Variants in UCK2 observed in about 807,000 individuals in gnomAD.
UCK2 encodes cytidine monophosphokinase 2.
A neutral mutation model predicts 30.8 loss-of-function variants in UCK2; 6 were observed. That is an observed-to-expected ratio of 0.19 (90% CI 0.11 to 0.38). The LOEUF is 0.38. Ranked by LOEUF, UCK2 falls within the 10% of genes least tolerant of loss-of-function variation. UCK2 has a pLI of 1.00. For synonymous variants in UCK2, 125 were observed against 133.6 expected (o/e 0.94, Z 0.45); for missense variants, 210 against 339.8 (o/e 0.62, Z 3.00).
At chr1:165,835,343 T>C (rs868572243) in intron 1 of UCK2, among the ~76,000 whole-genome samples, 1 of 146,206 alleles carries the variant, frequency 6.8e-6, no homozygotes, top group Non-Finnish European at 1.5e-5. Flanking sequence ...TGTAAAAATA[T>C]GTATTTTTAA....
At chr1:165,854,536 G>A (rs1008465446) in intron 1 of UCK2, among the ~76,000 whole-genome samples, 3 of 151,808 alleles carry the variant, frequency 2.0e-5, no homozygotes, top group Non-Finnish European at 2.9e-5. Context: ...TCCCACTTCC[G>A]CAGCCCCCAG....
rs10571444 is a variant in UCK2, at chr1:165,854,598, AAAATAAATAAATAAATAAATAAAT to A, written c.99+26690_99+26713del. ...ATTGCTAACTAGGCTTCCTTTTTTA[AAAATAAATAAATAAATAAATAAAT>A]AAATAAATAAATAAATAAATAAAGT... On this transcript the variant is annotated intron_variant, in intron 1 of 6. Coordinates refer to ENST00000367879, the MANE Select transcript of UCK2 (RefSeq NM_012474.5). Among the ~76,000 whole-genome samples, 69 of 143,688 alleles carry A rather than the reference AAAATAAATAAATAAATAAATAAAT, an allele frequency of 4.8e-4. 1 individual carries two copies. The South Asian group carries it at 8.5e-3, about 18-fold the overall frequency. 94.3% of individuals were successfully genotyped at this position (143,688 alleles called of 152,430 possible). A position where few individuals can be genotyped will look rare whatever the true frequency, so the allele number is the denominator to read the frequency against.
At chr1:165,846,116 A>C (rs1654441876) in intron 1 of UCK2, among the ~76,000 whole-genome samples, 1 of 152,078 alleles carries the variant, frequency 6.6e-6, no homozygotes, top group African/African-American at 2.4e-5. Context: ...ACACAGTGAG[A>C]TCTTGTCTCT....
Position 165,907,909 on chromosome 1 carries a change from A to G in UCK2, c.*86A>G, listed in dbSNP as rs186355028. 273 of 1,491,676 alleles carry G rather than the reference A, an allele frequency of 1.8e-4. 1 individual carries two copies. In the African/African-American group the frequency reaches 3.2e-3, roughly 18 times the overall value. The allele number at this position is 1,491,676 out of a possible 1,614,324, so 92.4% of individuals were successfully genotyped here. A position where few individuals can be genotyped will look rare whatever the true frequency, so the allele number is the denominator to read the frequency against. ...TGCTCATCTGTACATACTGTTTCCT[A>G]TGACATTACTGTATTTAAGAAAACA... On this transcript the variant is annotated 3_prime_UTR_variant, in exon 7 of 7. Coordinates refer to ENST00000367879, the MANE Select transcript of UCK2 (RefSeq NM_012474.5).
At chr1:165,884,177 G>A (rs1655564414) in intron 1 of UCK2, among the ~76,000 whole-genome samples, 1 of 152,170 alleles carries the variant, frequency 6.6e-6, no homozygotes, top group African/African-American at 2.4e-5. Context: ...GAGCTAGATG[G>A]GATCTTCCTG....
rs1453340648 is a variant in UCK2, at chr1:165,908,889, T to C, written c.*1066T>C. The C allele has an allele frequency of 6.6e-6, 1 of 152,358 alleles. No individual in the cohort carries two copies. The highest frequency in any genetic ancestry group is 1.5e-5 in the Non-Finnish European group (1 of 68,134). 9.4% of individuals were successfully genotyped at this position (152,358 alleles called of 1,614,324 possible). ...CATGGAGTGGCAGGGGAGCTCTGTC[T>C]GTGGAGGGGTAGTAGTTTCCGCTTC... On this transcript the variant is annotated 3_prime_UTR_variant, in exon 7 of 7. Coordinates refer to ENST00000367879, the MANE Select transcript of UCK2 (RefSeq NM_012474.5).
chr1:165,904,671 G>A (rs1443864680), intron 5 of UCK2, among the ~76,000 whole-genome samples: 1 of 152,186 alleles, frequency 6.6e-6, no homozygotes, highest in Non-Finnish European at 1.5e-5. Context: ...TGTAAGCCAG[G>A]AACTTGGACC....
chr1:165,891,430 AC>A (rs2101881971), intron 3 of UCK2, 108 bp downstream of exon 3: 1 of 961,588 alleles, frequency 1.0e-6, no homozygotes, highest in African/African-American at 1.6e-5. Context: ...CCTCTGTCCT[AC>A]CCCTGCCTAA....
At chr1:165,891,530 TG>T in intron 3 of UCK2, 1 of 552,080 alleles carries the variant, frequency 1.8e-6, no homozygotes, top group South Asian at 2.1e-5. Context: ...GAGCGCTCCC[TG>T]GAACAGTCCT....
At position 165,880,564 on chromosome 1, in the gene UCK2, GGGGTGTGTGT is replaced by G. The variant is rs1259955441; in HGVS notation, c.100-9638_100-9629del. On this transcript the variant is annotated intron_variant, in intron 1 of 6. Transcript: ENST00000367879. ...GCCTAGATCCATTCAGTTTTTTTTG[GGGGTGTGTGT>G]GTGTGTGTGTGTGTGTGTGTGTGTG... 1.5e-3 allele frequency among the ~76,000 whole-genome samples: 148 copies of G among 100,050 alleles called. 1 individual carries two copies. Among genetic ancestry groups the G allele is most frequent in the South Asian group, 0.01 (37 of 3,590 alleles). The allele number at this position is 100,050 out of a possible 152,430, so 65.6% of individuals were successfully genotyped here. A position where few individuals can be genotyped will look rare whatever the true frequency, so the allele number is the denominator to read the frequency against.
chr1:165,859,933 G>C (rs970470175), intron 1 of UCK2, among the ~76,000 whole-genome samples: 3 of 152,172 alleles, frequency 2.0e-5, no homozygotes, highest in African/African-American at 4.8e-5. Flanking sequence ...CATCACAGCA[G>C]GCCTCCCGTT....
chr1:165,835,266 C>A, intron 1 of UCK2, among the ~76,000 whole-genome samples: 1 of 147,050 alleles, frequency 6.8e-6, no homozygotes, highest in East Asian at 1.9e-4. Flanking sequence ...GTATTCATAA[C>A]CGCTAAGAGA....
At chr1:165,885,008 G>A (rs548403406) in intron 1 of UCK2, 30 of 192,754 alleles carry the variant, frequency 1.6e-4, no homozygotes, top group African/African-American at 6.7e-4. Context: ...CTTTTAATAG[G>A]CACATCACTT....
chr1:165,906,130 C>T (rs1224505350), intron 6 of UCK2, among the ~76,000 whole-genome samples, 161 bp downstream of exon 6: 1 of 152,196 alleles, frequency 6.6e-6, no homozygotes, highest in Non-Finnish European at 1.5e-5. Context: ...CGTCTGGCCT[C>T]AGGAACAGGT....
chr1:165,838,421 A>G (rs1654247816), intron 1 of UCK2, among the ~76,000 whole-genome samples: 1 of 152,144 alleles, frequency 6.6e-6, no homozygotes, highest in South Asian at 2.1e-4. Flanking sequence ...GCATCTCTTG[A>G]TATCAGTATC....
chr1:165,835,893 G>T (rs768479424), intron 1 of UCK2, among the ~76,000 whole-genome samples: 3 of 151,690 alleles, frequency 2.0e-5, no homozygotes, highest in Admixed American at 1.3e-4. Context: ...ATTTCTTTTC[G>T]ATTGCATTAC....
chr1:165,877,785 T>C (rs1442016239), intron 1 of UCK2, among the ~76,000 whole-genome samples: 1 of 152,216 alleles, frequency 6.6e-6, no homozygotes, highest in African/African-American at 2.4e-5. Flanking sequence ...CCTGATCATA[T>C]GGTAGTTTAG....
At chr1:165,874,565 T>C (rs7534635) in intron 1 of UCK2, among the ~76,000 whole-genome samples, 2 of 152,194 alleles carry the variant, frequency 1.3e-5, no homozygotes, top group East Asian at 1.9e-4. Flanking sequence ...ATGTCTTTAA[T>C]AGACAAAGAC....
chr1:165,859,724 G>A (rs1364773043), intron 1 of UCK2, among the ~76,000 whole-genome samples: 1 of 152,128 alleles, frequency 6.6e-6, no homozygotes, highest in Non-Finnish European at 1.5e-5. Context: ...CTACTGGGTG[G>A]GGAGGAGTAG....
Sources: gnomAD v4.1 joint callset for allele counts (sites outside exome capture counted in the v4.1 genomes callset) on GRCh38, gnomAD v4.1.1 for gene constraint, MANE v1.5 for transcripts, NCBI Gene and HGNC (gene_info 2026-07-23, HGNC 2026-07-21) for gene names.